Variants in FNBP1L observed in about 807,000 individuals in gnomAD.
The protein encoded by FNBP1L is formin binding protein 1 like.
Under a neutral mutation model 91.2 loss-of-function variants are expected in FNBP1L, and 36 were observed. That is an observed-to-expected ratio of 0.39 (90% CI 0.30 to 0.52). The LOEUF (loss-of-function observed/expected upper bound fraction) is 0.52, where lower values mean the gene tolerates loss of function less well. Ranked by LOEUF, FNBP1L falls within the 20% of genes least tolerant of loss-of-function variation. The probability of loss-of-function intolerance (pLI) is 0.66; values close to 1 mark genes in which losing one functional copy is unlikely to be tolerated. For synonymous variants in FNBP1L, 242 were observed against 237.0 expected (o/e 1.02, Z -0.19); for missense variants, 571 against 732.1 (o/e 0.78, Z 2.54).
intron 5 of FNBP1L, among the ~76,000 whole-genome samples, chr1:93,526,467 C>T (rs2101753763): frequency 6.6e-6 from 1 of 152,324 alleles, no homozygotes; most frequent in South Asian, 2.1e-4. Flanking sequence ...AAAAAGGCAG[C>T]ATTTCACTTC....
Position 93,501,407 on chromosome 1 carries a change from G to A in FNBP1L, c.140+1824G>A, listed in dbSNP as rs151210604. Among the ~76,000 whole-genome samples, 10 of 152,246 alleles carry A rather than the reference G, an allele frequency of 6.6e-5. No homozygotes were observed. In the East Asian group the frequency reaches 1.9e-3, roughly 29 times the overall value. On this transcript the variant is annotated intron_variant, in intron 2 of 16. Transcript: ENST00000271234. ...AGGCATGCCCCCGGCTTCTGGCACA[G>A]GGTTTTGATGTGTCAAAGGGGAAGC... is the stretch of plus-strand genomic sequence containing the variant.
At chr1:93,489,913 T>A (rs984776353) in intron 1 of FNBP1L, among the ~76,000 whole-genome samples, 2 of 152,108 alleles carry the variant, frequency 1.3e-5, no homozygotes, top group African/African-American at 4.8e-5. Context: ...ACATTTTTGG[T>A]GGTAGTTTGG....
At chr1:93,511,042 T>C (rs1670820474) in intron 2 of FNBP1L, among the ~76,000 whole-genome samples, 1 of 152,132 alleles carries the variant, frequency 6.6e-6, no homozygotes, top group African/African-American at 2.4e-5. Context: ...CAGGATATTA[T>C]CCAGGAGAAC....
At chr1:93,551,808 AT>A (rs1367972550) in intron 16 of FNBP1L, 1 of 985,222 alleles carries the variant, frequency 1.0e-6, no homozygotes, top group African/African-American at 1.7e-5. Flanking sequence ...TTAGCTGGTA[AT>A]TTTCAATAAT....
Position 93,536,382 on chromosome 1 carries a change from T to C in FNBP1L, c.1041T>C (p.Pro347=). ...CTAGTTTATTCACATCCAGTACTCC[T>C]AATGGGTCCCAGTTTCTCACATTCT... The part of the protein sequence containing the change: ...TPTSLFTSST[P]NGSQFLTFSI... Residue 347 remains proline (P), a synonymous_variant, in exon 10 of 17, where the codon CCT becomes CCC. Coordinates refer to ENST00000271234, the MANE Select transcript of FNBP1L (RefSeq NM_001164473.3). 1 of 1,550,860 alleles carries C rather than the reference T, an allele frequency of 6.4e-7. No homozygotes were observed. Among genetic ancestry groups the C allele is most frequent in the Non-Finnish European group, 8.7e-7 (1 of 1,146,346 alleles).
At chr1:93,516,303 A>C (rs191850183) in intron 2 of FNBP1L, among the ~76,000 whole-genome samples, 1 of 152,044 alleles carries the variant, frequency 6.6e-6, no homozygotes, top group African/African-American at 2.4e-5. Flanking sequence ...TGAACCGGGG[A>C]CCTCTTGATC....
intron 1 of FNBP1L, among the ~76,000 whole-genome samples, chr1:93,497,111 C>T (rs576293562): frequency 7.1e-4 from 108 of 152,232 alleles, no homozygotes; most frequent in Non-Finnish European, 8.8e-4. Context: ...AGGCATCCGC[C>T]ACCACGCCTG....
chr1:93,507,231 T>C (rs1156477943), intron 2 of FNBP1L, among the ~76,000 whole-genome samples: 2 of 147,988 alleles, frequency 1.4e-5, no homozygotes, highest in Non-Finnish European at 3.0e-5. Flanking sequence ...TTCTGTAATA[T>C]GTACTGTGTG....
At chr1:93,511,806 A>T (rs1356797484) in intron 2 of FNBP1L, among the ~76,000 whole-genome samples, 1 of 151,734 alleles carries the variant, frequency 6.6e-6, no homozygotes, top group Non-Finnish European at 1.5e-5. Context: ...CTCTACTGAA[A>T]ATACAAAAAA....
In FNBP1L at chr1:93,551,572, G is replaced by A. The variant is rs1014535209; in HGVS notation, c.1810+467G>A. The A allele has an allele frequency of 4.1e-6, 4 of 985,424 alleles. No homozygotes were observed. In the African/African-American group the frequency reaches 7.0e-5, roughly 17 times the overall value. The allele number at this position is 985,424 out of a possible 1,614,324, so 61.0% of individuals were successfully genotyped here. On this transcript the variant is annotated intron_variant, in intron 16 of 16. Transcript: ENST00000271234. ...TTTCTTCTAGAAGTTTGAATTTGTA[G>A]CTACAGTTTCCAAGAAGAAAAATAG...
chr1:93,475,246 T>C (rs1251673092), intron 1 of FNBP1L, among the ~76,000 whole-genome samples: 1 of 152,038 alleles, frequency 6.6e-6, no homozygotes, highest in Non-Finnish European at 1.5e-5. Context: ...AAATATATAA[T>C]AAAAAATTTT....
In FNBP1L at chr1:93,449,235, C is replaced by T. The variant is rs564947241; in HGVS notation, c.24+930C>T. 2.4e-4 allele frequency among the ~76,000 whole-genome samples: 36 copies of T among 152,032 alleles called. 1 individual carries two copies. Among genetic ancestry groups the T allele is most frequent in the Admixed American group, 2.1e-3 (32 of 15,284 alleles). ...AGGTCGGAGAATTTGCTCCTGGCGC[C>T]GGCGCGGAAGGGTCGAGGTGTGGAG... On this transcript the variant is annotated intron_variant, in intron 1 of 16. Coordinates refer to ENST00000271234, the MANE Select transcript of FNBP1L (RefSeq NM_001164473.3).
chr1:93,448,461 T>C (rs928849996), intron 1 of FNBP1L, among the ~76,000 whole-genome samples, 156 bp downstream of exon 1: 2 of 152,078 alleles, frequency 1.3e-5, no homozygotes, highest in African/African-American at 4.8e-5. Context: ...GTGTGCAGAC[T>C]CCTCTTCCCT....
At chr1:93,472,116 C>G (rs1008326360) in intron 1 of FNBP1L, among the ~76,000 whole-genome samples, 1 of 152,128 alleles carries the variant, frequency 6.6e-6, no homozygotes, top group South Asian at 2.1e-4. Flanking sequence ...GAATGAGGCC[C>G]AGAAATTTGT....
chr1:93,515,544 A>G (rs1463342307), intron 2 of FNBP1L, among the ~76,000 whole-genome samples: 1 of 152,262 alleles, frequency 6.6e-6, no homozygotes, highest in East Asian at 1.9e-4. Context: ...GACTGGATTA[A>G]GAAAATGTGG....
chr1:93,522,020 C>A, intron 2 of FNBP1L, 62 bp from the exon 3 acceptor site: 1 of 1,034,444 alleles, frequency 9.7e-7, no homozygotes, highest in Admixed American at 3.0e-5. Context: ...AAAACTTAGA[C>A]TATTTCAATT....
chr1:93,536,220 A>G (rs1671843683), intron 9 of FNBP1L, 112 bp from the exon 10 acceptor site: 1 of 678,380 alleles, frequency 1.5e-6, no homozygotes, highest in African/African-American at 1.9e-5. Context: ...TTTACAGAAA[A>G]CTTTATTTGA....
chr1:93,530,099 C>CAAG (rs1671625223), intron 6 of FNBP1L, among the ~76,000 whole-genome samples: 1 of 151,944 alleles, frequency 6.6e-6, no homozygotes, highest in African/African-American at 2.4e-5. Flanking sequence ...TGACTTTGTA[C>CAAG]AAGAGATCAA....
intron 2 of FNBP1L, among the ~76,000 whole-genome samples, chr1:93,514,026 G>A (rs1260948316): frequency 2.0e-5 from 3 of 152,126 alleles, no homozygotes; most frequent in African/African-American, 4.8e-5. Context: ...AAACCCCACT[G>A]TCTCAGCCCA....
Sources: allele counts gnomAD v4.1 joint callset (sites outside exome capture counted in the v4.1 genomes callset), GRCh38; gene constraint gnomAD v4.1.1; transcripts MANE v1.5; gene names NCBI Gene and HGNC (gene_info 2026-07-23, HGNC 2026-07-21).